Variants in ACTR3C observed in about 807,000 individuals in gnomAD.
ACTR3C encodes actin-related protein 3C.
Under a neutral mutation model 26.3 loss-of-function variants are expected in ACTR3C, and 18 were observed. That is an observed-to-expected ratio of 0.68 (90% confidence interval 0.47 to 1.01). The LOEUF (loss-of-function observed/expected upper bound fraction) is 1.01, where lower values mean the gene tolerates loss of function less well. ACTR3C is among the 50% of genes least tolerant of loss of function. ACTR3C has a pLI of 0.00. For synonymous variants in ACTR3C, 55 were observed against 94.5 expected (o/e 0.58, Z 2.42); for missense variants, 184 against 250.7 (o/e 0.73, Z 1.80).
intron 1 of ACTR3C, among the ~76,000 whole-genome samples, chr7:150,310,941 G>A (rs546803112): frequency 5.9e-5 from 9 of 152,042 alleles, no homozygotes; most frequent in South Asian, 4.2e-4. Flanking sequence ...TACATATCTC[G>A]GCATAGTCCT....
At chr7:149,887,986 C>A in the ACTR3C span, among the ~76,000 whole-genome samples, 5 of 151,842 alleles carry the variant, frequency 3.3e-5, no homozygotes, top group African/African-American at 1.2e-4. Flanking sequence ...AACTGTAAGA[C>A]CAATTAAATC....
chr7:150,084,125 G>A, the ACTR3C span, among the ~76,000 whole-genome samples: 2 of 151,968 alleles, frequency 1.3e-5, no homozygotes, highest in East Asian at 3.9e-4. Flanking sequence ...TCCCACCTCA[G>A]CCTCACAAAG....
At chr7:150,041,500 C>A in the ACTR3C span, 1 of 209,556 alleles carries the variant, frequency 4.8e-6, no homozygotes, top group Non-Finnish European at 7.5e-6. Context: ...ATGGGGGGTC[C>A]TAAGCCAGGG....
At chr7:150,019,201 T>TGAAG in the ACTR3C span, among the ~76,000 whole-genome samples, 30 of 150,366 alleles carry the variant, frequency 2.0e-4, 1 homozygote, top group South Asian at 1.3e-3. Flanking sequence ...GTTGAGATCA[T>TGAAG]GAAGGAAGGA....
intron 6 of ACTR3C, among the ~76,000 whole-genome samples, chr7:150,278,330 T>G (rs924271228): frequency 3.3e-5 from 5 of 152,204 alleles, no homozygotes; most frequent in Non-Finnish European, 4.4e-5. Flanking sequence ...AGTTAAAGTT[T>G]AAAAGGCTGT....
chr7:150,225,839 C>T, the ACTR3C span, among the ~76,000 whole-genome samples: 1 of 152,280 alleles, frequency 6.6e-6, no homozygotes, highest in East Asian at 1.9e-4. Context: ...GTTTCACCAC[C>T]CTAAAAGTTC....
At chr7:149,987,727 C>G in the ACTR3C span, among the ~76,000 whole-genome samples, 3 of 148,832 alleles carry the variant, frequency 2.0e-5, no homozygotes, top group African/African-American at 7.4e-5. Flanking sequence ...ACCAAAACAT[C>G]ATGCCTCGAA....
the ACTR3C span, among the ~76,000 whole-genome samples, chr7:150,128,897 A>G: frequency 1.3e-5 from 2 of 151,696 alleles, no homozygotes; most frequent in African/African-American, 2.4e-5. Flanking sequence ...CACTGCCTAG[A>G]GAAAGCTTCC....
chr7:150,042,952 G>C, the ACTR3C span, among the ~76,000 whole-genome samples: 5 of 150,762 alleles, frequency 3.3e-5, no homozygotes, highest in Non-Finnish European at 5.9e-5. Flanking sequence ...CGCTGTTGTC[G>C]GGATCCCCAT....
intron 6 of ACTR3C, among the ~76,000 whole-genome samples, chr7:150,280,986 A>G (rs1430113846): frequency 6.6e-6 from 1 of 152,196 alleles, no homozygotes; most frequent in Non-Finnish European, 1.5e-5. Context: ...AGGGAGAGAG[A>G]CGACCTCTTC....
chr7:150,037,089 T>G, the ACTR3C span, among the ~76,000 whole-genome samples: 1 of 84,250 alleles, frequency 1.2e-5, no homozygotes, highest in Non-Finnish European at 2.7e-5. Context: ...CCTCGTGCGA[T>G]GGGGGTCCTA....
At chr7:150,140,496 C>T in the ACTR3C span, among the ~76,000 whole-genome samples, 7 of 151,900 alleles carry the variant, frequency 4.6e-5, no homozygotes, top group South Asian at 2.1e-4. Flanking sequence ...TCGATCAGTG[C>T]GGCAAACCTC....
downstream of ACTR3C, chr7:150,245,806 C>T (rs1466673791): frequency 6.6e-6 from 1 of 152,246 alleles, no homozygotes; most frequent in African/African-American, 2.4e-5. Context: ...GGAATGCCTG[C>T]TGGGGGGCTC....
chr7:150,040,727 G>A, the ACTR3C span: 1 of 146,590 alleles, frequency 6.8e-6, no homozygotes, highest in Non-Finnish European at 1.5e-5. Flanking sequence ...TGGTTCCTAA[G>A]GATCTTAGGA....
In ACTR3C at chr7:150,272,970, C is replaced by T. The variant is rs1231195534; in HGVS notation, c.564+11783G>A. ...TCAGCCCCCTAAAGTGCTGGGATTA[C>T]ACACATGAGCCATGAAGGCCGGCCT... On this transcript the variant is annotated intron_variant, in intron 6 of 7. Transcript: ENST00000683684. 3.6e-5 allele frequency among the ~76,000 whole-genome samples: 5 copies of T among 140,170 alleles called. 1 individual carries two copies. Among genetic ancestry groups the T allele is most frequent in the African/African-American group, 6.1e-5 (2 of 33,022 alleles). The allele number at this position is 140,170 out of a possible 152,430, so 92.0% of individuals were successfully genotyped here.
intron 6 of ACTR3C, among the ~76,000 whole-genome samples, chr7:150,267,909 C>T (rs61322575): frequency 0.028 from 4,296 of 152,258 alleles, 193 homozygotes; most frequent in African/African-American, 0.097. Context: ...GTGATTATCA[C>T]GTTAAGTATG....
chr7:150,162,636 A>T, the ACTR3C span, among the ~76,000 whole-genome samples: 1 of 151,942 alleles, frequency 6.6e-6, no homozygotes, highest in Non-Finnish European at 1.5e-5. Flanking sequence ...AATGGCAAAA[A>T]CCTCAATTAC....
the ACTR3C span, among the ~76,000 whole-genome samples, chr7:150,076,938 G>A: frequency 6.6e-6 from 1 of 152,276 alleles, no homozygotes; most frequent in East Asian, 1.9e-4. Flanking sequence ...GCCAAGGCGA[G>A]CGAATCACCT....
chr7:150,199,471 AAGGCCGC>A, the ACTR3C span, among the ~76,000 whole-genome samples: 1 of 101,250 alleles, frequency 9.9e-6, no homozygotes, highest in Non-Finnish European at 1.9e-5. Flanking sequence ...AACACTGCGG[AAGGCCGC>A]AGGGTCCTCT....
Sources: gnomAD v4.1 joint callset for allele counts (sites outside exome capture counted in the v4.1 genomes callset) on GRCh38, gnomAD v4.1.1 for gene constraint, MANE v1.5 for transcripts, NCBI Gene and HGNC (gene_info 2026-07-23, HGNC 2026-07-21) for gene names.